The following RPH3AL variants were observed in gnomAD, a reference collection of about 807,000 sequenced individuals.
RPH3AL encodes rab effector Noc2.
A neutral mutation model predicts 43.1 loss-of-function variants in RPH3AL; 38 were observed. That is an observed-to-expected ratio of 0.88 (90% CI 0.68 to 1.15). The LOEUF (loss-of-function observed/expected upper bound fraction) is 1.15. RPH3AL is among the 50% of genes most tolerant of loss of function. The pLI, the probability that RPH3AL is intolerant of heterozygous loss-of-function variation, is 0.00. For missense variants in RPH3AL, 462 were observed against 423.2 expected (o/e 1.09, Z -0.81); for synonymous variants, 189 against 176.3 (o/e 1.07, Z -0.57).
rs113813742 is a variant in RPH3AL at position 300,662 on chromosome 17, A to G, written c.351+18758T>C. 4.7e-3 allele frequency among the ~76,000 whole-genome samples: 411 copies of G among 86,712 alleles called. 1 individual carries two copies. The highest frequency in any genetic ancestry group is 0.014 in the African/African-American group (228 of 15,786). 56.9% of individuals were successfully genotyped at this position (86,712 alleles called of 152,430 possible). ...TCTAGAAGGGGCTGGCCCAGCCTAG[A>G]CCTGCAGAATCTCTCACCCGCTCTA... On this transcript the variant is annotated intron_variant, in intron 5 of 9. Transcript: ENST00000331302.
chr17:215,716 T>C lies in RPH3AL; in HGVS notation c.814A>G (p.Thr272Ala). ...GCQSSLASGE[T>A]GTGSADPPGG... ...GGCGGGTCAGCAGAGCCTGTCCCCG[T>C]CTCACCACTGGCCAGGCTGCTCTGG... The change falls in exon 9 of 10, where the codon ACG (threonine) becomes GCG (alanine). Residue 272 changes from threonine to alanine, a missense_variant. Thr to Ala is a moderately conservative substitution (Grantham distance 58, BLOSUM62 0). Coordinates refer to ENST00000331302, the MANE Select transcript of RPH3AL (RefSeq NM_006987.4). The surrounding 1 kb of genome is among the most constrained non-coding windows in gnomAD (Gnocchi z 4.1). The C allele has an allele frequency of 7.7e-7, 1 of 1,295,450 alleles. No individual in the cohort carries two copies. The highest frequency in any genetic ancestry group is 9.8e-7 in the Non-Finnish European group (1 of 1,017,748). The allele number at this position is 1,295,450 out of a possible 1,614,324, so 80.2% of individuals were successfully genotyped here. A position where few individuals can be genotyped will look rare whatever the true frequency, so the allele number is the denominator to read the frequency against.
chr17:243,260 G>T (rs2041626264), intron 7 of RPH3AL, among the ~76,000 whole-genome samples: 1 of 130,870 alleles, frequency 7.6e-6, no homozygotes, highest in Admixed American at 7.8e-5. Context: ...TTTCTCTATT[G>T]ATTACCCTTC....
chr17:303,364 C>T (rs573933321), intron 5 of RPH3AL, among the ~76,000 whole-genome samples: 20 of 151,792 alleles, frequency 1.3e-4, no homozygotes, highest in East Asian at 3.9e-4. Flanking sequence ...GCACTCCAGC[C>T]GGGGCAGCAC....
chr17:263,562 G>A (rs1264895785), intron 6 of RPH3AL, among the ~76,000 whole-genome samples: 1 of 152,218 alleles, frequency 6.6e-6, no homozygotes, highest in Non-Finnish European at 1.5e-5. Flanking sequence ...GTGTTACTTT[G>A]ATTAAAATTA....
At chr17:233,555 G>A (rs1054454707) in intron 7 of RPH3AL, among the ~76,000 whole-genome samples, 19 of 152,260 alleles carry the variant, frequency 1.2e-4, no homozygotes, top group African/African-American at 1.4e-4. Context: ...TCACACAGAC[G>A]TGACCTGGTC....
chr17:279,186 GAAGA>G (rs2042724280), intron 6 of RPH3AL, among the ~76,000 whole-genome samples: 1 of 152,080 alleles, frequency 6.6e-6, no homozygotes, highest in South Asian at 2.1e-4. Flanking sequence ...ATTTTTCTAA[GAAGA>G]AAGGGCATTA....
intron 6 of RPH3AL, among the ~76,000 whole-genome samples, chr17:273,845 A>G (rs2042589477): frequency 6.6e-6 from 1 of 152,242 alleles, no homozygotes; most frequent in Non-Finnish European, 1.5e-5. Flanking sequence ...CCAATGCTGA[A>G]CAGAGAAGAA....
chr17:249,213 T>G (rs1220945097), intron 6 of RPH3AL, among the ~76,000 whole-genome samples: 1 of 152,030 alleles, frequency 6.6e-6, no homozygotes, highest in African/African-American at 2.4e-5. Flanking sequence ...ACGAACACTT[T>G]GCAAAAACCT....
rs1371769819 is a variant in RPH3AL, at chr17:323,003, G to C, written c.78-1588C>G. ...GGATGCCATGAGAATTAATGAGGCA[G>C]GGTAGATAAGGTGCTTTTACATAGC... On this transcript the variant is annotated intron_variant, in intron 3 of 9. Coordinates refer to ENST00000331302, the MANE Select transcript of RPH3AL (RefSeq NM_006987.4). This position sits in a 1 kb window ranked among gnomAD's most constrained non-coding sequence, Gnocchi z 4.4. 2.0e-5 allele frequency among the ~76,000 whole-genome samples: 3 copies of C among 152,136 alleles called. No homozygotes were observed. Among genetic ancestry groups the C allele is most frequent in the East Asian group, 1.9e-4 (1 of 5,190 alleles).
chr17:233,077 G>A (rs2151516519), intron 7 of RPH3AL, among the ~76,000 whole-genome samples: 1 of 152,078 alleles, frequency 6.6e-6, no homozygotes, highest in South Asian at 2.1e-4. Flanking sequence ...GCTTATCAAA[G>A]CATAGTGGGG....
intron 5 of RPH3AL, among the ~76,000 whole-genome samples, chr17:316,401 T>G (rs1235158463): frequency 6.3e-3 from 472 of 74,876 alleles, no homozygotes; most frequent in Middle Eastern, 0.014. Context: ...ACCTCCATTG[T>G]CCTGTAGTCC....
intron 2 of RPH3AL, chr17:331,360 G>A (rs371841245): frequency 1.2e-4 from 11 of 88,442 alleles, no homozygotes; most frequent in Non-Finnish European, 2.0e-4. Context: ...CACGGGCAGC[G>A]CCAGGGCAGG....
rs2042602756 is a variant in RPH3AL at position 274,283 on chromosome 17, T to TGAGGCGGGAGACGG, written c.438+7471_438+7484dup. Among the ~76,000 whole-genome samples the TGAGGCGGGAGACGG allele has an allele frequency of 6.6e-6, 1 of 152,206 alleles. No homozygotes were observed. The highest frequency in any genetic ancestry group is 2.4e-5 in the African/African-American group (1 of 41,468). The stretch of plus-strand genomic sequence containing the variant: ...CCAGGCTCCACATCAGGTGAGGGGA[T>TGAGGCGGGAGACGG]GAGGCGGGAGACGGGAGGCGTGCCA... On this transcript the variant is annotated intron_variant, in intron 6 of 9. Coordinates refer to ENST00000331302, the MANE Select transcript of RPH3AL (RefSeq NM_006987.4). The surrounding 1 kb of genome is among the most constrained non-coding windows in gnomAD (Gnocchi z 4.7).
At chr17:302,025 A>G (rs2043341488) in intron 5 of RPH3AL, among the ~76,000 whole-genome samples, 2 of 152,218 alleles carry the variant, frequency 1.3e-5, no homozygotes, top group Non-Finnish European at 1.5e-5. Flanking sequence ...GCACAGACTC[A>G]CTACGGCCTG....
chr17:307,464 C>T (rs1380288772), intron 5 of RPH3AL, among the ~76,000 whole-genome samples: 1 of 152,166 alleles, frequency 6.6e-6, no homozygotes, highest in African/African-American at 2.4e-5. Flanking sequence ...GCCCCACGCT[C>T]ATCCCTGCCT....
rs2044708466 is a variant in RPH3AL, at chr17:329,854, C to T, written c.-36-2275G>A. 2.0e-5 allele frequency among the ~76,000 whole-genome samples: 3 copies of T among 152,200 alleles called. No individual in the cohort carries two copies. In the South Asian group the frequency reaches 6.2e-4, roughly 31 times the overall value. On this transcript the variant is annotated intron_variant, in intron 2 of 9. Coordinates refer to ENST00000331302, the MANE Select transcript of RPH3AL (RefSeq NM_006987.4). ...GCTGAAAAGAGGAGGACTTTTTTTA[C>T]TTTCCAGAAATTGTAAATATTTTTC...
At chr17:273,007 G>GAGGGTGACGTCAGGGAGAGACCCCAGCA (rs2042533078) in intron 6 of RPH3AL, among the ~76,000 whole-genome samples, 2 of 103,864 alleles carry the variant, frequency 1.9e-5, no homozygotes, top group African/African-American at 3.7e-5. Flanking sequence ...AGACCCCAGC[G>GAGGGTGACGTCAGGGAGAGACCCCAGCA]AGGGCGACAT....
At chr17:232,983 G>A (rs975529024) in intron 7 of RPH3AL, among the ~76,000 whole-genome samples, 1 of 152,040 alleles carries the variant, frequency 6.6e-6, no homozygotes, top group Non-Finnish European at 1.5e-5. Flanking sequence ...CAGAGATGGG[G>A]AAGGTGATAA....
At chr17:244,516 C>T (rs1597920533) in intron 7 of RPH3AL, among the ~76,000 whole-genome samples, 2 of 152,186 alleles carry the variant, frequency 1.3e-5, no homozygotes, top group East Asian at 3.9e-4. Context: ...CAAGCTGGTG[C>T]TGTGATCAGC....
Sources: allele counts gnomAD v4.1 joint callset (sites outside exome capture counted in the v4.1 genomes callset), GRCh38; gene constraint gnomAD v4.1.1; non-coding constraint Gnocchi (gnomAD v3.1); transcripts MANE v1.5; gene names NCBI Gene and HGNC (gene_info 2026-07-23, HGNC 2026-07-21).